Variants in CASZ1 observed in about 807,000 individuals in gnomAD.
CASZ1 encodes the protein castor zinc finger 1, also known as zinc finger protein castor homolog 1.
CASZ1 carries 28 observed loss-of-function variants against 135.2 expected under a neutral mutation model. The observed-to-expected ratio is 0.21, with a 90% CI of 0.15 to 0.28. The LOEUF is 0.28. CASZ1 is among the 10% of genes least tolerant of loss of function. The pLI is 1.00. For synonymous variants in CASZ1, 1,068 were observed against 1,073.4 expected (o/e 0.99, Z 0.10); for missense variants, 2,161 against 2,453.3 (o/e 0.88, Z 2.52).
At chr1:10,669,617 T>G (rs1643343709) in intron 4 of CASZ1, among the ~76,000 whole-genome samples, 1 of 152,164 alleles carries the variant, frequency 6.6e-6, no homozygotes, top group African/African-American at 2.4e-5. Context: ...CCCAGTCCCC[T>G]GATCTCACTG....
At chr1:10,773,309 G>A (rs1173571597) in intron 1 of CASZ1, among the ~76,000 whole-genome samples, 3 of 150,508 alleles carry the variant, frequency 2.0e-5, no homozygotes, top group Non-Finnish European at 3.0e-5. Flanking sequence ...CCCACACTCC[G>A]TTAGGCAGCC....
Position 10,694,266 on chromosome 1 carries a change from C to G in CASZ1, c.-23-354G>C. 1 of 1,015,514 alleles carries G rather than the reference C, an allele frequency of 9.8e-7. No individual in the cohort carries two copies. The highest frequency in any genetic ancestry group is 3.2e-5 in the South Asian group (1 of 30,946). 62.9% of individuals were successfully genotyped at this position (1,015,514 alleles called of 1,614,324 possible). On this transcript the variant is annotated intron_variant, in intron 3 of 20. Transcript: ENST00000377022. The surrounding 1 kb of genome is among the most constrained non-coding windows in gnomAD (Gnocchi z 6.6). Reference sequence around the variant, plus strand: ...GGTCGCCGCCCGAGACCGCGGCCCCCGGGCCTCCCCCGCCCGCGCCCGGTA... The same window carrying G: ...GGTCGCCGCCCGAGACCGCGGCCCCGGGGCCTCCCCCGCCCGCGCCCGGTA...
chr1:10,724,447 G>A lies in CASZ1; in HGVS notation c.-76-18903C>T, dbSNP rs1639559535. ...AAGGTAACCTGAGCTATTAAACCCG[G>A]GGGCCAGGTGGTACCTACCAGCTGT... On this transcript the variant is annotated intron_variant, in intron 2 of 20. Coordinates refer to ENST00000377022, the MANE Select transcript of CASZ1 (RefSeq NM_001079843.3). This position sits in a 1 kb window ranked among gnomAD's most constrained non-coding sequence, Gnocchi z 4.1. Among the ~76,000 whole-genome samples, 1 of 152,222 alleles carries A rather than the reference G, an allele frequency of 6.6e-6. No individual in the cohort carries two copies. Among genetic ancestry groups the A allele is most frequent in the Non-Finnish European group, 1.5e-5 (1 of 68,050 alleles).
intron 5 of CASZ1, among the ~76,000 whole-genome samples, chr1:10,663,076 C>T (rs565661434): frequency 2.0e-5 from 3 of 152,350 alleles, no homozygotes; most frequent in African/African-American, 7.2e-5. Flanking sequence ...GCACGGCCCC[C>T]GGGGACACCA....
chr1:10,727,615 A>C lies in CASZ1; in HGVS notation c.-76-22071T>G, dbSNP rs1441696745. 6.6e-6 allele frequency among the ~76,000 whole-genome samples: 1 copy of C among 152,172 alleles called. No individual in the cohort carries two copies. The highest frequency in any genetic ancestry group is 1.5e-5 in the Non-Finnish European group (1 of 68,016). On this transcript the variant is annotated intron_variant, in intron 2 of 20. Transcript: ENST00000377022. This position sits in a 1 kb window ranked among gnomAD's most constrained non-coding sequence, Gnocchi z 5.3. ...CAAGAATGAGAAAACCCCTTTCCCA[A>C]GGTGCCAGGAGTTACAATAGGAACT...
intron 1 of CASZ1, among the ~76,000 whole-genome samples, chr1:10,786,685 G>A (rs1557571824): frequency 6.6e-6 from 1 of 152,168 alleles, no homozygotes; most frequent in South Asian, 2.1e-4. Context: ...CTGATGAAAG[G>A]TCACACGATT....
chr1:10,692,665 C>T (rs1638805833), intron 4 of CASZ1, among the ~76,000 whole-genome samples: 1 of 152,208 alleles, frequency 6.6e-6, no homozygotes, highest in South Asian at 2.1e-4. Context: ...ATGACACCTC[C>T]CCCCAACAAA....
chr1:10,637,746 T>C lies in CASZ1; in HGVS notation c.*1196A>G, dbSNP rs1642038932. The C allele has an allele frequency of 6.6e-6, 1 of 152,168 alleles. No individual in the cohort carries two copies. Among genetic ancestry groups the C allele is most frequent in the East Asian group, 1.9e-4 (1 of 5,178 alleles). 9.4% of individuals were successfully genotyped at this position (152,168 alleles called of 1,614,324 possible). A position where few individuals can be genotyped will look rare whatever the true frequency, so the allele number is the denominator to read the frequency against. The stretch of plus-strand genomic sequence containing the variant: ...ATCATCATCTCCAGGAAGGGGGATG[T>C]TTTGCAAAGGGAACCCAATCTGGGT... On this transcript the variant is annotated 3_prime_UTR_variant, in exon 21 of 21. Transcript: ENST00000377022.
intron 4 of CASZ1, among the ~76,000 whole-genome samples, chr1:10,690,425 C>A (rs1638727975): frequency 6.6e-6 from 1 of 152,214 alleles, no homozygotes. Flanking sequence ...AGACAGTATG[C>A]TCTCAAAGCA....
At chr1:10,729,811 A>T (rs544003007) in intron 2 of CASZ1, among the ~76,000 whole-genome samples, 1 of 148,586 alleles carries the variant, frequency 6.7e-6, no homozygotes, top group Admixed American at 6.6e-5. Context: ...TATTCACTTT[A>T]TTTTATTTTT....
At chr1:10,665,938 C>A (rs1470669509) in intron 4 of CASZ1, among the ~76,000 whole-genome samples, 1 of 152,180 alleles carries the variant, frequency 6.6e-6, no homozygotes, top group African/African-American at 2.4e-5. Flanking sequence ...CCCTTTGACA[C>A]ACAAGGAAAC....
At position 10,694,350 on chromosome 1, in the gene CASZ1, CTTAA is replaced by C. The variant is rs747742947; in HGVS notation, c.-23-442_-23-439del. The C allele has an allele frequency of 3.5e-6, 4 of 1,142,122 alleles. No individual in the cohort carries two copies. In the South Asian group the frequency reaches 6.6e-5, roughly 19 times the overall value. The allele number at this position is 1,142,122 out of a possible 1,614,324, so 70.7% of individuals were successfully genotyped here. On this transcript the variant is annotated intron_variant, in intron 3 of 20. Coordinates refer to ENST00000377022, the MANE Select transcript of CASZ1 (RefSeq NM_001079843.3). This position sits in a 1 kb window ranked among gnomAD's most constrained non-coding sequence, Gnocchi z 6.6. ...ACTTAAATAATCAACTTTCATAATA[CTTAA>C]TTAATGCCTAATTGCAACTGATTAC...
chr1:10,757,357 T>C lies in CASZ1; in HGVS notation c.-77+3344A>G, dbSNP rs1640278000. Among the ~76,000 whole-genome samples the C allele has an allele frequency of 6.6e-6, 1 of 152,112 alleles. No individual in the cohort carries two copies. The highest frequency in any genetic ancestry group is 2.4e-5 in the African/African-American group (1 of 41,408). On this transcript the variant is annotated intron_variant, in intron 2 of 20. Transcript: ENST00000377022. This position sits in a 1 kb window ranked among gnomAD's most constrained non-coding sequence, Gnocchi z 4.6. ...TTGAGTCCTGCTAACTCTTCCTCTA[T>C]ACACATACAGGCTCTGACCCCTTCC...
In CASZ1 at chr1:10,794,399, C is replaced by T. The variant is rs910974951; in HGVS notation, c.-234+2165G>A. 1.4e-4 allele frequency among the ~76,000 whole-genome samples: 21 copies of T among 152,110 alleles called. No homozygotes were observed. Among genetic ancestry groups the T allele is most frequent in the African/African-American group, 5.1e-4 (21 of 41,418 alleles). ...GTACCGGGTGTCGGCGGGACAACTA[C>T]GCACAATGAGGGCCGCACCCCCACA... On this transcript the variant is annotated intron_variant, in intron 1 of 20. Coordinates refer to ENST00000377022, the MANE Select transcript of CASZ1 (RefSeq NM_001079843.3). The surrounding 1 kb of genome is among the most constrained non-coding windows in gnomAD (Gnocchi z 5.6).
chr1:10,680,491 C>T (rs1638379220), intron 4 of CASZ1, among the ~76,000 whole-genome samples: 1 of 152,212 alleles, frequency 6.6e-6, no homozygotes, highest in Non-Finnish European at 1.5e-5. Flanking sequence ...ACTGGCACTG[C>T]CCCCTCTGCC....
chr1:10,741,932 G>A lies in CASZ1; in HGVS notation c.-77+18769C>T, dbSNP rs4845953. 0.54 allele frequency among the ~76,000 whole-genome samples: 81,353 copies of A among 151,704 alleles called. 22,514 individuals are homozygous for A. Among genetic ancestry groups the A allele is most frequent in the African/African-American group, 0.62 (25,453 of 41,318 alleles). On this transcript the variant is annotated intron_variant, in intron 2 of 20. Transcript: ENST00000377022. The surrounding 1 kb of genome is among the most constrained non-coding windows in gnomAD (Gnocchi z 5.0). ...ATCTAGAACATTTTGGTGCTATTCT[G>A]AGACCTAATGTGCCTAACCCAGCAA... is the stretch of plus-strand genomic sequence containing the variant.
chr1:10,704,418 G>C (rs554024496), intron 3 of CASZ1: 10 of 152,422 alleles, frequency 6.6e-5, no homozygotes, highest in Admixed American at 4.6e-4. Flanking sequence ...TGCAGGGCGC[G>C]GGCCGGGCCT....
Position 10,640,025 on chromosome 1 carries a change from G to A in CASZ1, c.4197C>T (p.Ala1399=). 1 of 1,610,492 alleles carries A rather than the reference G, an allele frequency of 6.2e-7. No homozygotes were observed. The highest frequency in any genetic ancestry group is 8.5e-7 in the Non-Finnish European group (1 of 1,179,750). Residue 1399 remains alanine, a synonymous_variant, in exon 21 of 21, where the codon GCC becomes GCT. Transcript: ENST00000377022. ...CCTCGATGATCCAGAAGCGCTTTTTGGCCCCCGAGGCTGTCGGCATAGAGA... is the reference window on the plus strand; with the variant it reads ...CCTCGATGATCCAGAAGCGCTTTTTAGCCCCCGAGGCTGTCGGCATAGAGA... ...NTISMPTASG[A]KKRFWIIEDM... is the part of the protein sequence containing the mutation.
chr1:10,660,741 G>A lies in CASZ1; in HGVS notation c.506-205C>T. 5.3e-6 allele frequency: 3 copies of A among 564,110 alleles called. No individual in the cohort carries two copies. In the South Asian group the frequency reaches 7.2e-5, roughly 14 times the overall value. 34.9% of individuals were successfully genotyped at this position (564,110 alleles called of 1,614,324 possible). Reference sequence around the variant, plus strand: ...TTAAAAAAAAGTAATTAATACTGGGGTAAAATAAAACGAGTTCATCAATGC... The same window carrying A: ...TTAAAAAAAAGTAATTAATACTGGGATAAAATAAAACGAGTTCATCAATGC... On this transcript the variant is annotated intron_variant, in intron 5 of 20. Coordinates refer to ENST00000377022, the MANE Select transcript of CASZ1 (RefSeq NM_001079843.3).
Sources: gnomAD v4.1 joint callset for allele counts (sites outside exome capture counted in the v4.1 genomes callset) on GRCh38, gnomAD v4.1.1 for gene constraint, Gnocchi (gnomAD v3.1) non-coding constraint, MANE v1.5 for transcripts, NCBI Gene and HGNC (gene_info 2026-07-23, HGNC 2026-07-21) for gene names.